The following KMT2C variants were observed in gnomAD, a reference collection of about 807,000 sequenced individuals.
The protein encoded by KMT2C is lysine methyltransferase 2C, also known as histone-lysine N-methyltransferase 2C.
In KMT2C, 88 loss-of-function variants were observed where a neutral mutation model predicts 507.9. The observed-to-expected ratio is 0.17, with a 90% CI of 0.15 to 0.21. KMT2C has a LOEUF of 0.21. Ranked by LOEUF, KMT2C falls within the 10% of genes least tolerant of loss-of-function variation. The probability of loss-of-function intolerance (pLI) is 1.00; values close to 1 mark genes in which losing one functional copy is unlikely to be tolerated. For missense variants in KMT2C, 4,954 were observed against 5,957.8 expected (o/e 0.83, Z 5.55); for synonymous variants, 2,049 against 2,080.8 (o/e 0.98, Z 0.42).
At chr7:152,399,505 C>G (rs532508709) in intron 1 of KMT2C, among the ~76,000 whole-genome samples, 7 of 152,106 alleles carry the variant, frequency 4.6e-5, no homozygotes, top group Non-Finnish European at 8.8e-5. Context: ...ACAATGGACT[C>G]TTGAATGTCA....
intron 6 of KMT2C, among the ~76,000 whole-genome samples, chr7:152,294,753 T>C (rs1436460813): frequency 1.2e-4 from 19 of 152,216 alleles, no homozygotes; most frequent in Admixed American, 1.2e-3. Context: ...GAGAGGCATT[T>C]GAGATTATTG....
At chr7:152,167,421 G>A in intron 41 of KMT2C, 43 bp from the exon 42 acceptor site, 1 of 1,306,810 alleles carries the variant, frequency 7.7e-7, no homozygotes, top group Non-Finnish European at 1.1e-6. Flanking sequence ...TTTCTAAAGA[G>A]TCCAACATTA....
intron 4 of KMT2C, among the ~76,000 whole-genome samples, chr7:152,312,588 A>C (rs971111885): frequency 6.6e-6 from 1 of 152,218 alleles, no homozygotes; most frequent in African/African-American, 2.4e-5. Flanking sequence ...TAAAAAGCAA[A>C]AGCAAAATAG....
Position 152,181,421 on chromosome 7 carries a change from G to GGGAATAAGA in KMT2C, c.6430_6438dup (p.Ser2144_Ser2146dup), listed in dbSNP as rs555421470. ...TTGGACCTAGCTGTTCCTGAAGATT[G>GGGAATAAGA]GGAATAAGAATCTACAACAGGTCGT... On this transcript the variant is annotated inframe_insertion, in exon 36 of 59. Coordinates refer to ENST00000262189, the MANE Select transcript of KMT2C (RefSeq NM_170606.3). 174 of 1,613,888 alleles carry GGGAATAAGA rather than the reference G, an allele frequency of 1.1e-4. No individual in the cohort carries two copies. Among genetic ancestry groups the GGGAATAAGA allele is most frequent in the Non-Finnish European group, 1.5e-4 (172 of 1,179,958 alleles).
At chr7:152,309,507 C>CTTTTT (rs60166582) in intron 6 of KMT2C, among the ~76,000 whole-genome samples, 1,367 of 87,960 alleles carry the variant, frequency 0.016, 28 homozygotes, top group Non-Finnish European at 0.024. Context: ...CATAAAATAA[C>CTTTTT]TTTTTTTTTT....
intron 6 of KMT2C, among the ~76,000 whole-genome samples, chr7:152,293,030 G>T (rs2096452589): frequency 6.6e-6 from 1 of 152,054 alleles, no homozygotes; most frequent in Non-Finnish European, 1.5e-5. Context: ...CTCTGCCATA[G>T]GAAGAGGTGG....
intron 2 of KMT2C, among the ~76,000 whole-genome samples, chr7:152,352,945 A>G (rs928525815): frequency 2.0e-5 from 3 of 152,256 alleles, no homozygotes; most frequent in Non-Finnish European, 4.4e-5. Context: ...ATGTTTAATT[A>G]TAACTAACTG....
intron 6 of KMT2C, among the ~76,000 whole-genome samples, chr7:152,293,351 A>G (rs1340609062): frequency 6.6e-6 from 1 of 152,250 alleles, no homozygotes; most frequent in Non-Finnish European, 1.5e-5. Context: ...AACTAGAGAA[A>G]TAAGTTTTTG....
intron 3 of KMT2C, among the ~76,000 whole-genome samples, chr7:152,327,957 CAAA>C (rs371396057): frequency 1.3e-5 from 1 of 78,690 alleles, no homozygotes; most frequent in Non-Finnish European, 2.4e-5. Context: ...GACTCCGCCT[CAAA>C]AAAAAAAAAA....
chr7:152,167,323 A>G lies in KMT2C; in HGVS notation c.9573T>C (p.Leu3191=). 1 of 1,613,944 alleles carries G rather than the reference A, an allele frequency of 6.2e-7. No individual in the cohort carries two copies. Among genetic ancestry groups the G allele is most frequent in the Non-Finnish European group, 8.5e-7 (1 of 1,179,988 alleles). Residue 3191 remains leucine (L), a synonymous_variant, in exon 42 of 59, where the codon CTT becomes CTC. Coordinates refer to ENST00000262189, the MANE Select transcript of KMT2C (RefSeq NM_170606.3). The stretch of plus-strand genomic sequence containing the variant: ...CTTCAAGATACTTCTGCTGCATTTG[A>G]AGCAGCTGTTGGGTCTCCTGGAGCC... The part of the protein sequence containing the change: ...EEWLQETQQL[L]QMQQKYLEEQ...
chr7:152,360,305 T>C (rs1347808522), intron 1 of KMT2C, among the ~76,000 whole-genome samples: 6 of 149,168 alleles, frequency 4.0e-5, no homozygotes, highest in Admixed American at 2.0e-4. Flanking sequence ...TGGCGAAACC[T>C]CGTCTCTACT....
chr7:152,390,238 GA>G (rs1265012211), intron 1 of KMT2C, among the ~76,000 whole-genome samples: 6 of 150,408 alleles, frequency 4.0e-5, no homozygotes, highest in East Asian at 1.9e-4. Context: ...AAATTGTAAA[GA>G]AAAAAAGTAT....
chr7:152,218,900 C>T (rs894383145), intron 23 of KMT2C, among the ~76,000 whole-genome samples: 3 of 152,128 alleles, frequency 2.0e-5, no homozygotes, highest in African/African-American at 7.2e-5. Flanking sequence ...ACTCACTCAC[C>T]TCTTTAAAAT....
intron 1 of KMT2C, chr7:152,367,844 T>C (rs2097259805): frequency 1.7e-5 from 17 of 981,300 alleles, no homozygotes; most frequent in Non-Finnish European, 2.6e-5. Flanking sequence ...TATACTTCAT[T>C]GCTCCTTCAG....
At chr7:152,263,615 TC>T (rs1285651096) in intron 8 of KMT2C, among the ~76,000 whole-genome samples, 3 of 152,212 alleles carry the variant, frequency 2.0e-5, no homozygotes, top group African/African-American at 7.2e-5. Flanking sequence ...CTCTCTGAGT[TC>T]CAGGTATAAA....
In KMT2C at chr7:152,211,461, T is replaced by C. The variant is rs567906208; in HGVS notation, c.3713-4033A>G. ...GAACAGAAGATGATCTCCAGGATGA[T>C]GAAGAGGAAATCCCCAAGTTAATCA... On this transcript the variant is annotated intron_variant, in intron 23 of 58. Transcript: ENST00000262189. Among the ~76,000 whole-genome samples the C allele has an allele frequency of 4.5e-4, 69 of 152,244 alleles. 1 individual carries two copies. In the South Asian group the frequency reaches 0.014, roughly 31 times the overall value.
intron 44 of KMT2C, among the ~76,000 whole-genome samples, chr7:152,158,579 A>T (rs1329729071): frequency 1.3e-5 from 2 of 151,190 alleles, no homozygotes; most frequent in African/African-American, 4.9e-5. Flanking sequence ...GCAGTGGCAC[A>T]ATCTCGGCTC....
chr7:152,354,984 G>A (rs1432159115), intron 2 of KMT2C, among the ~76,000 whole-genome samples: 2 of 152,190 alleles, frequency 1.3e-5, no homozygotes, highest in East Asian at 3.8e-4. Flanking sequence ...GAATGAAAAG[G>A]AAAAAGACCA....
At chr7:152,431,584 C>T (rs71541759) in intron 1 of KMT2C, among the ~76,000 whole-genome samples, 1 of 144,148 alleles carries the variant, frequency 6.9e-6, no homozygotes, top group Non-Finnish European at 1.5e-5. Flanking sequence ...CCAGCCTGGG[C>T]GGCAGAGCAA....
Sources: allele counts gnomAD v4.1 joint callset (sites outside exome capture counted in the v4.1 genomes callset), GRCh38; gene constraint gnomAD v4.1.1; transcripts MANE v1.5; gene names NCBI Gene and HGNC (gene_info 2026-07-23, HGNC 2026-07-21).